The following USP37 variants were observed in gnomAD, a reference collection of about 807,000 sequenced individuals.
USP37 encodes the protein ubiquitin carboxyl-terminal hydrolase 37.
A neutral mutation model predicts 124.0 loss-of-function variants in USP37; 27 were observed. That is an observed-to-expected ratio of 0.22 (90% confidence interval 0.16 to 0.30). The LOEUF is 0.30. USP37 is among the 10% of genes least tolerant of loss of function. The pLI is 1.00. For synonymous variants in USP37, 365 were observed against 388.0 expected (o/e 0.94, Z 0.70); for missense variants, 889 against 1,140.4 (o/e 0.78, Z 3.17).
intron 8 of USP37, among the ~76,000 whole-genome samples, chr2:218,536,909 T>C (rs1341699891): frequency 1.3e-5 from 2 of 152,196 alleles, no homozygotes; most frequent in Non-Finnish European, 2.9e-5. Flanking sequence ...TTTTCACCTA[T>C]GGTGAATTAG....
At chr2:218,550,007 G>T (rs981776691) in intron 5 of USP37, 98 bp from the exon 6 acceptor site, 1 of 878,766 alleles carries the variant, frequency 1.1e-6, no homozygotes, top group Non-Finnish European at 1.6e-6. Flanking sequence ...TGAAGAAATG[G>T]ACGAAACAGC....
chr2:218,522,602 A>G (rs1355616939), intron 10 of USP37, among the ~76,000 whole-genome samples: 1 of 144,868 alleles, frequency 6.9e-6, no homozygotes, highest in Non-Finnish European at 1.5e-5. Flanking sequence ...TTTTTTTTGT[A>G]TGGGCGGGGG....
intron 5 of USP37, among the ~76,000 whole-genome samples, chr2:218,552,606 A>C (rs1317520699): frequency 2.0e-5 from 3 of 151,748 alleles, no homozygotes; most frequent in Non-Finnish European, 4.4e-5. Context: ...AAAAAGAAAA[A>C]GAGAAAAGAA....
At chr2:218,469,526 C>T (rs569228553) in intron 20 of USP37, among the ~76,000 whole-genome samples, 2 of 152,096 alleles carry the variant, frequency 1.3e-5, no homozygotes, top group East Asian at 1.9e-4. Context: ...TACTCAAAAA[C>T]GTGACAGAAT....
chr2:218,558,759 T>A, intron 3 of USP37, 82 bp from the exon 4 acceptor site: 2 of 1,066,776 alleles, frequency 1.9e-6, no homozygotes, highest in Non-Finnish European at 2.7e-6. Flanking sequence ...TACTAGTAAT[T>A]AATTTCTAAC....
Position 218,454,307 on chromosome 2 carries a change from C to A in USP37, c.*623G>T, listed in dbSNP as rs1359492619. 1 of 152,530 alleles carries A rather than the reference C, an allele frequency of 6.6e-6. No individual in the cohort carries two copies. Among genetic ancestry groups the A allele is most frequent in the East Asian group, 1.9e-4 (1 of 5,202 alleles). 9.4% of individuals were successfully genotyped at this position (152,530 alleles called of 1,614,324 possible). A position where few individuals can be genotyped will look rare whatever the true frequency, so the allele number is the denominator to read the frequency against. The stretch of plus-strand genomic sequence containing the variant: ...TTTGCAGACAACAACAACAACAAAA[C>A]AGCTCCTCAAGTCAGGTGACAGTAA... On this transcript the variant is annotated 3_prime_UTR_variant, in exon 26 of 26. Transcript: ENST00000258399.
chr2:218,469,793 T>G (rs1157326090), intron 20 of USP37, among the ~76,000 whole-genome samples: 1 of 151,620 alleles, frequency 6.6e-6, no homozygotes, highest in African/African-American at 2.4e-5. Flanking sequence ...CAAAGGGGAT[T>G]CATGTGTTTA....
Position 218,454,811 on chromosome 2 carries a change from T to G in USP37, c.*119A>C. ...CAATTTTTGTCTTTTGGTTTGGCCC[T>G]GAGCTGTTTGTTGCTCCCGCATCAA... is the stretch of plus-strand genomic sequence containing the variant. On this transcript the variant is annotated 3_prime_UTR_variant, in exon 26 of 26. Coordinates refer to ENST00000258399, the MANE Select transcript of USP37 (RefSeq NM_020935.3). 6.6e-7 allele frequency: 1 copy of G among 1,515,028 alleles called. No homozygotes were observed. Among genetic ancestry groups the G allele is most frequent in the Non-Finnish European group, 8.8e-7 (1 of 1,138,304 alleles). The allele number at this position is 1,515,028 out of a possible 1,614,324, so 93.8% of individuals were successfully genotyped here. A position where few individuals can be genotyped will look rare whatever the true frequency, so the allele number is the denominator to read the frequency against.
chr2:218,465,591 T>C (rs1332503218), intron 21 of USP37, among the ~76,000 whole-genome samples: 1 of 152,136 alleles, frequency 6.6e-6, no homozygotes, highest in Non-Finnish European at 1.5e-5. Context: ...CACGTACCTG[T>C]TTCAAACCCA....
intron 22 of USP37, 80 bp from the exon 23 acceptor site, chr2:218,459,985 CT>C (rs1574833950): frequency 4.9e-6 from 5 of 1,024,470 alleles, no homozygotes; most frequent in Non-Finnish European, 7.2e-6. Context: ...AATCCCAACA[CT>C]TTGGGAGGCC....
chr2:218,465,286 G>A, intron 21 of USP37, among the ~76,000 whole-genome samples: 1 of 151,580 alleles, frequency 6.6e-6, no homozygotes, highest in East Asian at 2.0e-4. Flanking sequence ...AAATAATGCT[G>A]GACTGGGAAG....
chr2:218,501,497 T>C (rs933788954), intron 11 of USP37, among the ~76,000 whole-genome samples: 4 of 152,072 alleles, frequency 2.6e-5, no homozygotes, highest in African/African-American at 9.7e-5. Context: ...CTATAAACAA[T>C]GAGAAAACTG....
At chr2:218,544,406 A>AAAAAATATATAT (rs1312705279) in intron 8 of USP37, among the ~76,000 whole-genome samples, 6 of 82,972 alleles carry the variant, frequency 7.2e-5, no homozygotes, top group Admixed American at 3.0e-4. Context: ...AAAAAAAAAA[A>AAAAAATATATAT]ATATATATAT....
intron 11 of USP37, among the ~76,000 whole-genome samples, chr2:218,503,716 A>AAAAAAG (rs141771441): frequency 0.024 from 3,597 of 152,154 alleles, 144 homozygotes; most frequent in African/African-American, 0.082. Context: ...ACTCCATCTC[A>AAAAAAG]AAAAAGAAAA....
Position 218,508,360 on chromosome 2 carries a change from A to G in USP37, c.1025+1619T>C, listed in dbSNP as rs945394686. 5.9e-5 allele frequency among the ~76,000 whole-genome samples: 9 copies of G among 152,052 alleles called. No individual in the cohort carries two copies. In the East Asian group the frequency reaches 1.5e-3, roughly 26 times the overall value. On this transcript the variant is annotated intron_variant, in intron 11 of 25. Coordinates refer to ENST00000258399, the MANE Select transcript of USP37 (RefSeq NM_020935.3). Reference sequence around the variant, plus strand: ...CTAAACTAATTCCTGGAAGAAGTCTAAAAAAGAGGAAAGATGTATTTCTAG... The same window carrying G: ...CTAAACTAATTCCTGGAAGAAGTCTGAAAAAGAGGAAAGATGTATTTCTAG...
rs553819510 is a variant in USP37, at chr2:218,554,500, A to G, written c.157-776T>C. Among the ~76,000 whole-genome samples the G allele has an allele frequency of 1.1e-4, 16 of 152,304 alleles. No individual in the cohort carries two copies. The East Asian group carries it at 3.1e-3, about 29-fold the overall frequency. On this transcript the variant is annotated intron_variant, in intron 4 of 25. Coordinates refer to ENST00000258399, the MANE Select transcript of USP37 (RefSeq NM_020935.3). ...CATGGCTCATGCCTGTAATCCCAGC[A>G]CTTTGGGAGGCTGAGGCAGGCAGAT...
chr2:218,546,231 C>T lies in USP37; in HGVS notation c.670G>A (p.Asp224Asn). The change falls in exon 8 of 26, where the codon GAT (aspartate) becomes AAT (asparagine). Residue 224 changes from aspartate to asparagine, a missense_variant. By Grantham distance (23) the Asp-to-Asn change is conservative. Around this residue, in one of 3 missense-constraint regions of USP37, gnomAD observed 374 missense variants for 386.0 expected, o/e 0.97. Transcript: ENST00000258399. ...ELNEDYPKEN[D>N]SSSNNKAMTD... is the part of the protein sequence containing the mutation. ...CTTAAAGTAACTTACGATGATGAAT[C>T]ATTTTCCTTAGGGTAATCTTCATTC... is the stretch of plus-strand genomic sequence containing the variant. 1.2e-6 allele frequency: 2 copies of T among 1,612,532 alleles called. No homozygotes were observed. Among genetic ancestry groups the T allele is most frequent in the Non-Finnish European group, 1.7e-6 (2 of 1,179,300 alleles).
rs552539465 is a variant in USP37 at position 218,451,762 on chromosome 2, T to C, written c.*3168A>G. ...TTGCTTTCTGGAGTTAATTAACTGA[T>C]CTGTAAGAACCACTGCATATGTCTT... On this transcript the variant is annotated 3_prime_UTR_variant, in exon 26 of 26. Coordinates refer to ENST00000258399, the MANE Select transcript of USP37 (RefSeq NM_020935.3). 16 of 152,738 alleles carry C rather than the reference T, an allele frequency of 1.0e-4. No individual in the cohort carries two copies. The East Asian group carries it at 3.1e-3, about 29-fold the overall frequency. 9.5% of individuals were successfully genotyped at this position (152,738 alleles called of 1,614,324 possible).
chr2:218,490,235 G>A (rs946108675), intron 14 of USP37, among the ~76,000 whole-genome samples: 3 of 152,128 alleles, frequency 2.0e-5, no homozygotes, highest in South Asian at 2.1e-4. Context: ...CCTGTAGTCC[G>A]GAGGCTGAGG....
Sources: gnomAD v4.1 joint callset for allele counts (sites outside exome capture counted in the v4.1 genomes callset) on GRCh38, gnomAD v4.1.1 for gene constraint, gnomAD v4.1.1 regional missense constraint, MANE v1.5 for transcripts, NCBI Gene and HGNC (gene_info 2026-07-23, HGNC 2026-07-21) for gene names.